The following ANKHD1 variants were observed in gnomAD, a reference collection of about 807,000 sequenced individuals.
ANKHD1 encodes ankyrin repeat and KH domain containing 1.
ANKHD1 carries 31 observed loss-of-function variants against 230.5 expected under a neutral mutation model. That is an observed-to-expected ratio of 0.13 (90% CI 0.10 to 0.18). The LOEUF (loss-of-function observed/expected upper bound fraction) is 0.18, where lower values mean the gene tolerates loss of function less well. ANKHD1 is among the 10% of genes least tolerant of loss of function. The probability of loss-of-function intolerance (pLI) is 1.00; values close to 1 mark genes in which losing one functional copy is unlikely to be tolerated. For missense variants in ANKHD1, 2,256 were observed against 3,071.3 expected, an observed-to-expected ratio of 0.73 and a Z score of 6.27; for synonymous variants, 1,074 against 1,117.6, an observed-to-expected ratio of 0.96 and a Z score of 0.78.
At chr5:140,537,157 T>C (rs1045342061) in intron 30 of ANKHD1, 22 of 634,744 alleles carry the variant, frequency 3.5e-5, no homozygotes, top group Middle Eastern at 5.1e-4. Context: ...TGTATACTTA[T>C]TATAGGCAGA....
rs915136516 is a variant in ANKHD1, at chr5:140,438,324, T to C, written c.461-137T>C. 12 of 1,270,062 alleles carry C rather than the reference T, an allele frequency of 9.4e-6. No homozygotes were observed. The African/African-American group carries it at 1.4e-4, about 14-fold the overall frequency. 78.7% of individuals were successfully genotyped at this position (1,270,062 alleles called of 1,614,324 possible). A position where few individuals can be genotyped will look rare whatever the true frequency, so the allele number is the denominator to read the frequency against. On this transcript the variant is annotated intron_variant, in intron 2 of 33. Coordinates refer to ENST00000360839, the MANE Select transcript of ANKHD1 (RefSeq NM_017747.3). ...AGAATTGAATTGATAAGCCTTATCT[T>C]CTGTCAACCTAACCTATGGATTCTA... is the stretch of plus-strand genomic sequence containing the variant.
At chr5:140,419,774 TTTTCTTTC>T (rs199550424) in intron 1 of ANKHD1, among the ~76,000 whole-genome samples, 13,565 of 86,198 alleles carry the variant, frequency 0.16, 792 homozygotes, top group Non-Finnish European at 0.16. Context: ...TTTCCTTTCT[TTTTCTTTC>T]TTTCTTTCTT....
chr5:140,497,216 A>G lies in ANKHD1; in HGVS notation c.2942A>G (p.Asp981Gly), dbSNP rs893133228. 5.0e-6 allele frequency: 8 copies of G among 1,610,984 alleles called. No individual in the cohort carries two copies. Among genetic ancestry groups the G allele is most frequent in the Non-Finnish European group, 6.8e-6 (8 of 1,179,996 alleles). The change falls in exon 15 of 34, where the codon GAT becomes GGT. Residue 981 changes from aspartate to glycine, a missense_variant. This residue lies in a region of ANKHD1 where 358 missense variants were observed against 397.7 expected (regional missense o/e 0.90). Transcript: ENST00000360839. ...HDQGLLVQEP[D>G]GLMVATPAQT... ...CAGGGGCTGTTAGTTCAAGAACCAG[A>G]TGGACTAATGGTTGCAACTCCAGCT...
At position 140,504,838 on chromosome 5, in the gene ANKHD1, C is replaced by T. The variant is rs1307332160; in HGVS notation, c.3022C>T (p.Pro1008Ser). The change falls in exon 16 of 34, where the codon CCC becomes TCC. Residue 1008 changes from proline to serine, a missense_variant. Transcript: ENST00000360839. ...TTTTTCAGCTGTGAGTACCAGAGTG[C>T]CCACTGGTTCCAACAGTTCTTCTCA... ...DLIAAVSTRVPTGSNSSSQTT... is the reference protein window; with the variant it reads ...DLIAAVSTRVSTGSNSSSQTT... The T allele has an allele frequency of 6.2e-7, 1 of 1,613,394 alleles. No homozygotes were observed. The highest frequency in any genetic ancestry group is 2.2e-5 in the East Asian group (1 of 44,882).
intron 14 of ANKHD1, among the ~76,000 whole-genome samples, chr5:140,489,855 A>G (rs749838089): frequency 1.3e-5 from 2 of 152,208 alleles, no homozygotes; most frequent in Non-Finnish European, 1.5e-5. Context: ...TGGCAATCTA[A>G]CAGTTACTTA....
At chr5:140,473,532 C>T (rs1350980579) in intron 10 of ANKHD1, among the ~76,000 whole-genome samples, 1 of 152,012 alleles carries the variant, frequency 6.6e-6, no homozygotes, top group East Asian at 1.9e-4. Flanking sequence ...CCTTCCCATC[C>T]CAGGCTCAAG....
intron 24 of ANKHD1, among the ~76,000 whole-genome samples, chr5:140,515,090 C>T (rs779824522): frequency 2.0e-5 from 3 of 151,756 alleles, no homozygotes; most frequent in East Asian, 1.9e-4. Context: ...CCAGCCTGGC[C>T]GACATGGAGA....
chr5:140,508,799 C>A (rs1487338909), intron 20 of ANKHD1, among the ~76,000 whole-genome samples: 1 of 132,342 alleles, frequency 7.6e-6, no homozygotes, highest in African/African-American at 2.8e-5. Flanking sequence ...GGAGAAAAGT[C>A]ATAAGATAAT....
At chr5:140,539,217 A>G in intron 33 of ANKHD1, 134 bp downstream of exon 33, 1 of 1,521,736 alleles carries the variant, frequency 6.6e-7, no homozygotes, top group Non-Finnish European at 8.8e-7. Flanking sequence ...CAATATCAAG[A>G]TGATGCTACT....
At chr5:140,441,242 A>T (rs1773824839) in intron 5 of ANKHD1, 100 bp downstream of exon 5, 1 of 1,365,628 alleles carries the variant, frequency 7.3e-7, no homozygotes. Flanking sequence ...GTATAAACCT[A>T]CAGAAAAATC....
chr5:140,528,493 A>C lies in ANKHD1; in HGVS notation c.5547A>C (p.Leu1849Phe). ...CTTCTTTCCCAGTTTCTCTACCCTT[A>C]GCTTATCCTCACCCTCATTTTGCCC... ...VRSSFPVSLP[L>F]AYPHPHFALL... Residue 1849 changes from leucine (L) to phenylalanine (F), a missense_variant, in exon 29 of 34, where the codon TTA (leucine) becomes TTC (phenylalanine). Leu to Phe is a conservative substitution (Grantham distance 22). Transcript: ENST00000360839. 1 of 1,614,030 alleles carries C rather than the reference A, an allele frequency of 6.2e-7. No homozygotes were observed.
intron 11 of ANKHD1, among the ~76,000 whole-genome samples, chr5:140,483,935 A>G (rs1751398286): frequency 6.6e-6 from 1 of 152,166 alleles, no homozygotes; most frequent in Non-Finnish European, 1.5e-5. Flanking sequence ...GAGTTCTCTT[A>G]TGTTTCTTTA....
chr5:140,536,441 T>C (rs141424466), intron 30 of ANKHD1, among the ~76,000 whole-genome samples: 31 of 152,322 alleles, frequency 2.0e-4, no homozygotes, highest in African/African-American at 7.2e-4. Context: ...GTATGTGGAA[T>C]TGAACGGAAT....
chr5:140,422,267 C>G (rs1054944753), intron 1 of ANKHD1, among the ~76,000 whole-genome samples: 1 of 151,926 alleles, frequency 6.6e-6, no homozygotes, highest in Non-Finnish European at 1.5e-5. Context: ...GGATTACAGG[C>G]GCCCACCACC....
chr5:140,523,591 C>T (rs1380030762), intron 24 of ANKHD1, among the ~76,000 whole-genome samples: 1 of 147,316 alleles, frequency 6.8e-6, no homozygotes, highest in Non-Finnish European at 1.5e-5. Flanking sequence ...GAGACAGTCT[C>T]ACTCTGTCAC....
At chr5:140,437,058 A>T (rs1773502727) in intron 2 of ANKHD1, among the ~76,000 whole-genome samples, 1 of 152,226 alleles carries the variant, frequency 6.6e-6, no homozygotes, top group African/African-American at 2.4e-5. Flanking sequence ...TTTTCCCCTT[A>T]TGATAATATA....
At chr5:140,427,274 C>A (rs2065805340) in intron 1 of ANKHD1, among the ~76,000 whole-genome samples, 1 of 144,340 alleles carries the variant, frequency 6.9e-6, no homozygotes, top group Non-Finnish European at 1.5e-5. Flanking sequence ...GGGCGGGGGG[C>A]TGACCCCCCC....
At chr5:140,453,976 G>A (rs1374159906) in intron 7 of ANKHD1, among the ~76,000 whole-genome samples, 13 of 152,136 alleles carry the variant, frequency 8.5e-5, no homozygotes, top group Non-Finnish European at 1.3e-4. Flanking sequence ...CACATCTCAC[G>A]TGCAGAGACA....
At chr5:140,410,852 C>G (rs1246017636) in intron 1 of ANKHD1, among the ~76,000 whole-genome samples, 1 of 151,990 alleles carries the variant, frequency 6.6e-6, no homozygotes, top group African/African-American at 2.4e-5. Context: ...GTATTATCTA[C>G]ATTTTTATAG....
Sources: gnomAD v4.1 joint callset for allele counts (sites outside exome capture counted in the v4.1 genomes callset) on GRCh38, gnomAD v4.1.1 for gene constraint, gnomAD v4.1.1 regional missense constraint, MANE v1.5 for transcripts, NCBI Gene and HGNC (gene_info 2026-07-23, HGNC 2026-07-21) for gene names.